Variants in RAB6A observed in about 807,000 individuals in gnomAD.
RAB6A encodes the protein ras-related protein Rab-6A.
RAB6A carries 8 observed loss-of-function variants against 32.3 expected under a neutral mutation model. The ratio of observed to expected loss-of-function variants is 0.25; its 90% CI spans 0.15 to 0.45. RAB6A has a LOEUF of 0.45. RAB6A is among the 20% of genes least tolerant of loss of function. The probability of loss-of-function intolerance (pLI) is 1.00; values close to 1 mark genes in which losing one functional copy is unlikely to be tolerated. For synonymous variants in RAB6A, 73 were observed against 82.1 expected (o/e 0.89, Z 0.60); for missense variants, 104 against 249.4 (o/e 0.42, Z 3.93).
intron 5 of RAB6A, among the ~76,000 whole-genome samples, chr11:73,707,985 CTT>C (rs1389222391): frequency 1.3e-5 from 2 of 152,310 alleles, no homozygotes; most frequent in East Asian, 3.9e-4. Context: ...AAATTCAAAT[CTT>C]TGTGTAAAAC....
chr11:73,748,986 G>T (rs760118210), intron 1 of RAB6A, among the ~76,000 whole-genome samples: 17 of 151,996 alleles, frequency 1.1e-4, no homozygotes, highest in African/African-American at 3.9e-4. Flanking sequence ...TTAACCAGGC[G>T]TGGCAGCATA....
intron 5 of RAB6A, among the ~76,000 whole-genome samples, chr11:73,709,852 C>T (rs12788017): frequency 8.7e-5 from 4 of 45,880 alleles, no homozygotes; most frequent in Non-Finnish European, 2.3e-4. Flanking sequence ...CATATATATA[C>T]ATATATACAT....
At chr11:73,691,501 C>G (rs1217122054) in intron 6 of RAB6A, among the ~76,000 whole-genome samples, 1 of 152,184 alleles carries the variant, frequency 6.6e-6, no homozygotes, top group African/African-American at 2.4e-5. Flanking sequence ...ATTTACTGCA[C>G]TGATTGTAAT....
chr11:73,695,080 T>C (rs1945636153), intron 6 of RAB6A, among the ~76,000 whole-genome samples: 1 of 152,102 alleles, frequency 6.6e-6, no homozygotes, highest in Non-Finnish European at 1.5e-5. Flanking sequence ...TTTTAATCTA[T>C]ATATTTAACA....
At chr11:73,703,369 A>C (rs1050532598) in intron 6 of RAB6A, among the ~76,000 whole-genome samples, 4 of 152,226 alleles carry the variant, frequency 2.6e-5, no homozygotes. Flanking sequence ...TGCTAAAAAA[A>C]AATAAAGTAT....
chr11:73,698,778 C>T (rs1945694664), intron 6 of RAB6A, among the ~76,000 whole-genome samples: 2 of 151,440 alleles, frequency 1.3e-5, no homozygotes, highest in African/African-American at 4.8e-5. Flanking sequence ...AATTTTTCTT[C>T]TTCCTAGAAG....
intron 6 of RAB6A, among the ~76,000 whole-genome samples, chr11:73,691,629 A>G (rs1414217897): frequency 6.6e-6 from 1 of 152,212 alleles, no homozygotes; most frequent in Non-Finnish European, 1.5e-5. Context: ...TCAAAATGTT[A>G]GCTAAAACAA....
intron 5 of RAB6A, among the ~76,000 whole-genome samples, chr11:73,709,050 T>C (rs564529610): frequency 2.1e-3 from 319 of 152,324 alleles, no homozygotes; most frequent in Non-Finnish European, 3.9e-3. Flanking sequence ...TTTAAAAAAC[T>C]GTTTGAGAGT....
chr11:73,724,746 G>A (rs553289179), intron 2 of RAB6A, among the ~76,000 whole-genome samples: 84 of 152,146 alleles, frequency 5.5e-4, no homozygotes, highest in African/African-American at 1.8e-3. Flanking sequence ...TTGGCCTCCC[G>A]AAGTGCTGGG....
At chr11:73,759,346 A>G (rs949761413) in intron 1 of RAB6A, among the ~76,000 whole-genome samples, 1 of 152,204 alleles carries the variant, frequency 6.6e-6, no homozygotes, top group African/African-American at 2.4e-5. Context: ...TGGAATTACT[A>G]CAAGAAGTAA....
intron 1 of RAB6A, among the ~76,000 whole-genome samples, chr11:73,735,843 C>T (rs1946383782): frequency 6.7e-6 from 1 of 150,042 alleles, no homozygotes; most frequent in Non-Finnish European, 1.5e-5. Flanking sequence ...AATATCAAAC[C>T]TATCCCAACC....
chr11:73,691,717 T>C (rs574395371), intron 6 of RAB6A, among the ~76,000 whole-genome samples: 1 of 152,184 alleles, frequency 6.6e-6, no homozygotes, highest in African/African-American at 2.4e-5. Flanking sequence ...TCCCAGCACT[T>C]TGGGAGGCCG....
At chr11:73,747,972 TTC>T (rs1946617308) in intron 1 of RAB6A, among the ~76,000 whole-genome samples, 1 of 152,210 alleles carries the variant, frequency 6.6e-6, no homozygotes, top group Non-Finnish European at 1.5e-5. Flanking sequence ...ACAGTGTTTC[TTC>T]ACCCTGAAGT....
At chr11:73,734,419 C>T (rs1946362968) in intron 1 of RAB6A, among the ~76,000 whole-genome samples, 1 of 152,162 alleles carries the variant, frequency 6.6e-6, no homozygotes, top group Admixed American at 6.5e-5. Flanking sequence ...AGCCACCGCA[C>T]CTGGCCAGTT....
At position 73,731,741 on chromosome 11, in the gene RAB6A, CACACAT is replaced by C. The variant is rs1355571237; in HGVS notation, c.71-924_71-919del. On this transcript the variant is annotated intron_variant, in intron 1 of 7. Coordinates refer to ENST00000336083, the MANE Select transcript of RAB6A (RefSeq NM_198896.2). ...ATATATATATATATATACACACACA[CACACAT>C]ATTTTCTTTTTTTTTTAGACAGTCT... is the stretch of plus-strand genomic sequence containing the variant. 7.5e-4 allele frequency among the ~76,000 whole-genome samples: 84 copies of C among 112,498 alleles called. 4 individuals are homozygous for C. Among genetic ancestry groups the C allele is most frequent in the African/African-American group, 2.4e-3 (68 of 28,644 alleles). 73.8% of individuals were successfully genotyped at this position (112,498 alleles called of 152,430 possible). A position where few individuals can be genotyped will look rare whatever the true frequency, so the allele number is the denominator to read the frequency against.
chr11:73,758,972 C>G (rs1364363089), intron 1 of RAB6A, among the ~76,000 whole-genome samples: 1 of 151,564 alleles, frequency 6.6e-6, no homozygotes, highest in Non-Finnish European at 1.5e-5. Flanking sequence ...ATTTTTCCCC[C>G]CAAAAGGGAG....
intron 1 of RAB6A, among the ~76,000 whole-genome samples, chr11:73,748,892 A>G (rs910522874): frequency 4.6e-5 from 7 of 152,226 alleles, no homozygotes; most frequent in African/African-American, 1.7e-4. Context: ...TGGAAGGCCG[A>G]GGTGGGCAGA....
chr11:73,723,140 G>A (rs1346676941), intron 2 of RAB6A, among the ~76,000 whole-genome samples: 1 of 152,028 alleles, frequency 6.6e-6, no homozygotes, highest in East Asian at 1.9e-4. Flanking sequence ...GCACGTACTT[G>A]CAAGTACTGT....
At chr11:73,737,871 C>T (rs1946424555) in intron 1 of RAB6A, among the ~76,000 whole-genome samples, 1 of 151,532 alleles carries the variant, frequency 6.6e-6, no homozygotes, top group Non-Finnish European at 1.5e-5. Flanking sequence ...GTGGTGGGCG[C>T]CTGTAATCCC....
Sources: gnomAD v4.1 joint callset for allele counts (sites outside exome capture counted in the v4.1 genomes callset) on GRCh38, gnomAD v4.1.1 for gene constraint, MANE v1.5 for transcripts, NCBI Gene and HGNC (gene_info 2026-07-23, HGNC 2026-07-21) for gene names.